Variants in TMEM117 observed in about 807,000 individuals in gnomAD.
TMEM117 encodes transmembrane protein 117.
TMEM117 carries 27 observed loss-of-function variants against 52.4 expected under a neutral mutation model. The ratio of observed to expected loss-of-function variants is 0.51; its 90% CI spans 0.38 to 0.71. TMEM117 has a LOEUF of 0.71. Ranked by LOEUF, TMEM117 falls within the 30% of genes least tolerant of loss-of-function variation. The pLI is 0.00. For synonymous variants in TMEM117, 215 were observed against 206.3 expected (o/e 1.04, Z -0.36); for missense variants, 556 against 630.5 (o/e 0.88, Z 1.26).
intron 3 of TMEM117, among the ~76,000 whole-genome samples, chr12:44,081,179 G>A (rs1218414116): frequency 1.3e-5 from 2 of 152,144 alleles, no homozygotes; most frequent in Non-Finnish European, 2.9e-5. Flanking sequence ...CACACATGAA[G>A]CAGAAAAATA....
intron 3 of TMEM117, among the ~76,000 whole-genome samples, chr12:44,019,372 C>T (rs544403326): frequency 3.9e-5 from 6 of 152,210 alleles, no homozygotes; most frequent in Non-Finnish European, 5.9e-5. Flanking sequence ...CGCTCACTTA[C>T]AGCAGCCCTG....
chr12:44,157,701 T>C (rs1592566864), intron 4 of TMEM117, among the ~76,000 whole-genome samples: 1 of 152,168 alleles, frequency 6.6e-6, no homozygotes, highest in African/African-American at 2.4e-5. Context: ...ATATGAATTA[T>C]GTGATGAAAA....
chr12:44,385,881 T>C (rs1284182861), intron 7 of TMEM117, among the ~76,000 whole-genome samples: 1 of 152,138 alleles, frequency 6.6e-6, no homozygotes, highest in Non-Finnish European at 1.5e-5. Flanking sequence ...ATAATCTCCA[T>C]TCTTTTCCTT....
At chr12:44,318,800 G>A (rs1422977326) in intron 6 of TMEM117, among the ~76,000 whole-genome samples, 1 of 152,036 alleles carries the variant, frequency 6.6e-6, no homozygotes, top group Non-Finnish European at 1.5e-5. Context: ...CCACAATCTA[G>A]GCACAGAGAG....
Position 44,285,140 on chromosome 12 carries a change from A to G in TMEM117, c.609-14440A>G, listed in dbSNP as rs897547026. Among the ~76,000 whole-genome samples the G allele has an allele frequency of 5.3e-5, 8 of 152,218 alleles. No individual in the cohort carries two copies. In the South Asian group the frequency reaches 1.7e-3, roughly 32 times the overall value. Reference sequence around the variant, plus strand: ...CACATACATTACAATCTGAGTGACCAAATGCTCCAACCCAGACGTATTTTT... The same window carrying G: ...CACATACATTACAATCTGAGTGACCGAATGCTCCAACCCAGACGTATTTTT... On this transcript the variant is annotated intron_variant, in intron 5 of 7. Transcript: ENST00000266534.
chr12:43,871,350 T>G (rs948508119), intron 2 of TMEM117, among the ~76,000 whole-genome samples: 1 of 152,144 alleles, frequency 6.6e-6, no homozygotes, highest in Non-Finnish European at 1.5e-5. Flanking sequence ...GTGATCCGCC[T>G]GCCTCTGCCT....
intron 5 of TMEM117, among the ~76,000 whole-genome samples, chr12:44,235,811 A>G (rs1158216804): frequency 1.3e-5 from 2 of 151,828 alleles, no homozygotes; most frequent in East Asian, 3.9e-4. Context: ...CTTATAGTCT[A>G]TAGTCATTCC....
chr12:44,089,013 C>A (rs1046154051), intron 3 of TMEM117, among the ~76,000 whole-genome samples: 1 of 152,092 alleles, frequency 6.6e-6, no homozygotes. Flanking sequence ...ACCTGTACAC[C>A]CTGTACATCA....
intron 5 of TMEM117, among the ~76,000 whole-genome samples, chr12:44,292,334 G>A (rs75369396): frequency 0.028 from 4,240 of 151,706 alleles, 98 homozygotes; most frequent in African/African-American, 0.055. Flanking sequence ...TTTTATTTGA[G>A]TCCCTTCTTT....
intron 5 of TMEM117, among the ~76,000 whole-genome samples, chr12:44,247,874 G>A (rs946377393): frequency 6.6e-6 from 1 of 152,188 alleles, no homozygotes; most frequent in South Asian, 2.1e-4. Flanking sequence ...GGTTGGGCTG[G>A]CAGCAGAATG....
intron 3 of TMEM117, among the ~76,000 whole-genome samples, chr12:43,981,802 A>G (rs1242424276): frequency 6.6e-6 from 1 of 152,148 alleles, no homozygotes; most frequent in African/African-American, 2.4e-5. Context: ...AAGAAAAAAA[A>G]TGTAGGTATC....
At chr12:44,220,496 A>T (rs1259293961) in intron 5 of TMEM117, among the ~76,000 whole-genome samples, 1 of 152,148 alleles carries the variant, frequency 6.6e-6, no homozygotes, top group Non-Finnish European at 1.5e-5. Context: ...AGAAAGATGG[A>T]TAGTTACAGG....
At chr12:44,023,894 C>T (rs1349349318) in intron 3 of TMEM117, among the ~76,000 whole-genome samples, 1 of 151,658 alleles carries the variant, frequency 6.6e-6, no homozygotes, top group Non-Finnish European at 1.5e-5. Flanking sequence ...AGCACACCAA[C>T]ATGGCACATG....
chr12:43,961,086 T>C (rs1945395368), intron 3 of TMEM117, among the ~76,000 whole-genome samples: 1 of 152,150 alleles, frequency 6.6e-6, no homozygotes, highest in Admixed American at 6.5e-5. Context: ...TCCTCAAGTG[T>C]AAAATGAGGA....
At chr12:44,117,910 A>T (rs781625129) in intron 3 of TMEM117, among the ~76,000 whole-genome samples, 3 of 152,144 alleles carry the variant, frequency 2.0e-5, no homozygotes, top group Non-Finnish European at 2.9e-5. Flanking sequence ...TATATGGACT[A>T]TCAATTGTTT....
intron 1 of TMEM117, among the ~76,000 whole-genome samples, chr12:43,837,410 A>C (rs1196621302): frequency 6.6e-6 from 1 of 151,930 alleles, no homozygotes; most frequent in Non-Finnish European, 1.5e-5. Flanking sequence ...CAGTGCCATG[A>C]TTTCCAGCTC....
intron 6 of TMEM117, among the ~76,000 whole-genome samples, chr12:44,357,472 C>A (rs1182146619): frequency 1.3e-5 from 2 of 152,074 alleles, no homozygotes; most frequent in Admixed American, 6.6e-5. Flanking sequence ...AGAGGAGGGA[C>A]ACTTAGATCA....
At chr12:44,108,534 CTCA>C (rs1172039648) in intron 3 of TMEM117, among the ~76,000 whole-genome samples, 1 of 91,988 alleles carries the variant, frequency 1.1e-5, no homozygotes, top group African/African-American at 6.8e-5. Flanking sequence ...AGGATATGAA[CTCA>C]TCATTTTTTA....
chr12:43,925,504 A>G (rs967874678), intron 2 of TMEM117, among the ~76,000 whole-genome samples: 7 of 151,976 alleles, frequency 4.6e-5, no homozygotes, highest in African/African-American at 1.7e-4. Flanking sequence ...ATTGATGTTG[A>G]CTTGCCGGAG....
Sources: allele counts gnomAD v4.1 joint callset (sites outside exome capture counted in the v4.1 genomes callset), GRCh38; gene constraint gnomAD v4.1.1; transcripts MANE v1.5; gene names NCBI Gene and HGNC (gene_info 2026-07-23, HGNC 2026-07-21).